Variants in SNX10 observed in about 807,000 individuals in gnomAD.
The protein encoded by SNX10 is sorting nexin-10.
Under a neutral mutation model 28.5 loss-of-function variants are expected in SNX10, and 25 were observed. The ratio of observed to expected loss-of-function variants is 0.88; its 90% CI spans 0.64 to 1.22. The LOEUF is 1.22. Among genes scored for constraint, SNX10 ranks in the 50% most tolerant of loss-of-function variants. The pLI is 0.00. For synonymous variants in SNX10, 62 were observed against 81.4 expected (o/e 0.76, Z 1.28); for missense variants, 223 against 242.6 (o/e 0.92, Z 0.54).
intron 2 of SNX10, among the ~76,000 whole-genome samples, chr7:26,358,488 C>T (rs1232000325): frequency 6.6e-6 from 1 of 152,002 alleles, no homozygotes; most frequent in African/African-American, 2.4e-5. Context: ...GCCTATAATC[C>T]CAGCACTTTG....
At chr7:26,358,806 T>TTTTTTTTTTTTTTTATTTTTG (rs1554360959) in intron 2 of SNX10, among the ~76,000 whole-genome samples, 1 of 52,608 alleles carries the variant, frequency 1.9e-5, no homozygotes, top group Non-Finnish European at 4.7e-5. Flanking sequence ...TTATCTTGTG[T>TTTTTTTTTTTTTTTATTTTTG]TTTTTTTTTT....
At chr7:26,327,895 A>ATT (rs1025008986) in intron 1 of SNX10, among the ~76,000 whole-genome samples, 2 of 145,560 alleles carry the variant, frequency 1.4e-5, no homozygotes, top group South Asian at 2.2e-4. Flanking sequence ...ACACCCAGCT[A>ATT]TTTTTTTTTT....
intron 1 of SNX10, among the ~76,000 whole-genome samples, chr7:26,303,588 TGTTTCTCTG>T (rs1263273280): frequency 1.3e-5 from 2 of 152,340 alleles, no homozygotes; most frequent in African/African-American, 2.4e-5. Flanking sequence ...TTCCCTTGCT[TGTTTCTCTG>T]GTTTCTCTGA....
chr7:26,293,861 TA>T (rs200536938), intron 1 of SNX10, among the ~76,000 whole-genome samples: 1 of 151,974 alleles, frequency 6.6e-6, no homozygotes, highest in African/African-American at 2.4e-5. Flanking sequence ...GCACGTTCAT[TA>T]AAAAAAATAA....
intron 1 of SNX10, among the ~76,000 whole-genome samples, chr7:26,325,527 T>C (rs1274284574): frequency 6.6e-6 from 1 of 150,758 alleles, no homozygotes; most frequent in Admixed American, 6.6e-5. Context: ...TTGGCCAGGC[T>C]GGTCTCGAAC....
chr7:26,358,857 A>C (rs919122474), intron 2 of SNX10, among the ~76,000 whole-genome samples: 1 of 114,534 alleles, frequency 8.7e-6, no homozygotes, highest in Non-Finnish European at 1.7e-5. Flanking sequence ...CCCGGGCTGG[A>C]GTGCATTTAG....
chr7:26,300,535 A>T (rs908162193), intron 1 of SNX10, among the ~76,000 whole-genome samples: 3 of 152,224 alleles, frequency 2.0e-5, no homozygotes, highest in Admixed American at 6.5e-5. Flanking sequence ...CTGCCTAGGG[A>T]GGGGTGGTCT....
At chr7:26,365,294 A>G (rs1162169934) in intron 5 of SNX10, 149 bp downstream of exon 5, 3 of 555,600 alleles carry the variant, frequency 5.4e-6, no homozygotes, top group Non-Finnish European at 9.9e-6. Context: ...TTCCTATATT[A>G]GAGCACCATC....
chr7:26,365,247 C>T, intron 5 of SNX10, 102 bp downstream of exon 5: 1 of 714,910 alleles, frequency 1.4e-6, no homozygotes, highest in Non-Finnish European at 2.5e-6. Flanking sequence ...TTCTGAAATG[C>T]AAATAATCTG....
At chr7:26,314,994 T>TCAAAACAAAACAAAACAAAA (rs57952868) in intron 1 of SNX10, among the ~76,000 whole-genome samples, 3 of 151,564 alleles carry the variant, frequency 2.0e-5, no homozygotes, top group African/African-American at 7.3e-5. Flanking sequence ...TGAGACTGTC[T>TCAAAACAAAACAAAACAAAA]CAAAACAAAA....
At chr7:26,305,148 C>A (rs896847629) in intron 1 of SNX10, among the ~76,000 whole-genome samples, 8 of 152,140 alleles carry the variant, frequency 5.3e-5, no homozygotes, top group African/African-American at 1.4e-4. Context: ...CTGTGGGGCT[C>A]CTGATCTTGC....
intron 1 of SNX10, among the ~76,000 whole-genome samples, chr7:26,319,789 C>CG (rs988932295): frequency 7.9e-5 from 12 of 151,850 alleles, no homozygotes; most frequent in African/African-American, 2.2e-4. Flanking sequence ...CTAGCTAAGG[C>CG]GGGGGGGAAA....
intron 1 of SNX10, among the ~76,000 whole-genome samples, chr7:26,326,638 T>C (rs757952680): frequency 1.1e-4 from 16 of 152,246 alleles, no homozygotes; most frequent in Non-Finnish European, 2.2e-4. Flanking sequence ...ACATTACCTG[T>C]TAACTTTTCC....
At chr7:26,294,536 A>C (rs1334971119) in intron 1 of SNX10, among the ~76,000 whole-genome samples, 1 of 152,194 alleles carries the variant, frequency 6.6e-6, no homozygotes, top group African/African-American at 2.4e-5. Context: ...ATTGTGAAAG[A>C]GTTTTTATGT....
chr7:26,371,029 C>T (rs1173784512), intron 5 of SNX10, among the ~76,000 whole-genome samples: 1 of 152,182 alleles, frequency 6.6e-6, no homozygotes, highest in Non-Finnish European at 1.5e-5. Flanking sequence ...ATTTGAGCAT[C>T]TGTAGATTTT....
In SNX10 at chr7:26,374,149, T is replaced by C. The variant is rs1584188819; in HGVS notation, c.*1577T>C. On this transcript the variant is annotated 3_prime_UTR_variant, in exon 7 of 7. Coordinates refer to ENST00000338523, the MANE Select transcript of SNX10 (RefSeq NM_013322.3). ...CGATCCTCATCCCTTCAGCAATATGTATTTGAGTTCACACTATTTCTGTTT... is the reference window on the plus strand; with the variant it reads ...CGATCCTCATCCCTTCAGCAATATGCATTTGAGTTCACACTATTTCTGTTT... The C allele has an allele frequency of 6.6e-6, 1 of 152,188 alleles. No homozygotes were observed. The allele number at this position is 152,188 out of a possible 1,614,324, so 9.4% of individuals were successfully genotyped here.
At chr7:26,338,369 C>T (rs903491401) in intron 1 of SNX10, among the ~76,000 whole-genome samples, 3 of 152,018 alleles carry the variant, frequency 2.0e-5, no homozygotes, top group Non-Finnish European at 2.9e-5. Flanking sequence ...TTTATAAAGA[C>T]GGGAATTGAA....
rs1789655323 is a variant in SNX10, at chr7:26,373,453, A to C, written c.*881A>C. 1 of 152,058 alleles carries C rather than the reference A, an allele frequency of 6.6e-6. No individual in the cohort carries two copies. Among genetic ancestry groups the C allele is most frequent in the South Asian group, 2.1e-4 (1 of 4,836 alleles). 9.4% of individuals were successfully genotyped at this position (152,058 alleles called of 1,614,324 possible). ...AGGAAGGATTTTATAAAGATTAATA[A>C]ATTTAATTTTACCAATAAATATTCC... is the stretch of plus-strand genomic sequence containing the variant. On this transcript the variant is annotated 3_prime_UTR_variant, in exon 7 of 7. Coordinates refer to ENST00000338523, the MANE Select transcript of SNX10 (RefSeq NM_013322.3). The surrounding 1 kb of genome is among the most constrained non-coding windows in gnomAD (Gnocchi z 4.2).
chr7:26,351,750 G>A (rs976691742), intron 2 of SNX10, among the ~76,000 whole-genome samples: 6 of 145,690 alleles, frequency 4.1e-5, no homozygotes, highest in Non-Finnish European at 7.4e-5. Flanking sequence ...TCCACCTCCC[G>A]GGTTCACACC....
Sources: allele counts gnomAD v4.1 joint callset (sites outside exome capture counted in the v4.1 genomes callset), GRCh38; gene constraint gnomAD v4.1.1; non-coding constraint Gnocchi (gnomAD v3.1); transcripts MANE v1.5; gene names NCBI Gene and HGNC (gene_info 2026-07-23, HGNC 2026-07-21).